AMD1: variants seen among roughly 807,000 people sequenced by gnomAD.
The protein encoded by AMD1 is S-adenosylmethionine decarboxylase proenzyme.
AMD1 carries 11 observed loss-of-function variants against 40.2 expected under a neutral mutation model. That is an observed-to-expected ratio of 0.27 (90% CI 0.17 to 0.45). The LOEUF is 0.45. AMD1 is among the 20% of genes least tolerant of loss of function. The pLI is 1.00. For missense variants in AMD1, 257 were observed against 410.2 expected, an observed-to-expected ratio of 0.63 and a Z score of 3.23; for synonymous variants, 121 against 130.8, an observed-to-expected ratio of 0.93 and a Z score of 0.51.
the AMD1 span, among the ~76,000 whole-genome samples, chr6:110,819,759 A>G: frequency 6.6e-6 from 1 of 152,186 alleles, no homozygotes; most frequent in East Asian, 1.9e-4. Context: ...TTTTAGTCAC[A>G]TGGTGAAATA....
At chr6:110,847,301 G>A in the AMD1 span, among the ~76,000 whole-genome samples, 43 of 152,116 alleles carry the variant, frequency 2.8e-4, no homozygotes, top group East Asian at 7.6e-3. Context: ...CGAGGCAGGC[G>A]GATCACAAGG....
At chr6:110,814,800 G>T in the AMD1 span, 4 of 695,186 alleles carry the variant, frequency 5.8e-6, no homozygotes, top group Non-Finnish European at 1.0e-5. Flanking sequence ...ACCGGGCTGC[G>T]CCGCGGGAGT....
the AMD1 span, chr6:110,815,239 T>TCTCG: frequency 3.5e-6 from 4 of 1,148,734 alleles, no homozygotes; most frequent in Admixed American, 4.6e-5. Flanking sequence ...AACAGCCGCC[T>TCTCG]CTCGCGCGCG....
At chr6:110,875,951 G>T (rs1322837098) in intron 1 of AMD1, among the ~76,000 whole-genome samples, 1 of 152,166 alleles carries the variant, frequency 6.6e-6, no homozygotes, top group African/African-American at 2.4e-5. Context: ...GAGGCCGCTG[G>T]GGGCTGCTCC....
At chr6:110,867,060 G>A in the AMD1 span, among the ~76,000 whole-genome samples, 17 of 151,980 alleles carry the variant, frequency 1.1e-4, no homozygotes, top group Middle Eastern at 0.01. Context: ...TGATCCACCC[G>A]CCTCGGCCTC....
At chr6:110,857,965 G>C in the AMD1 span, among the ~76,000 whole-genome samples, 1 of 151,830 alleles carries the variant, frequency 6.6e-6, no homozygotes, top group Non-Finnish European at 1.5e-5. Context: ...TTCCCAAGTA[G>C]CTGGGACTAC....
the AMD1 span, among the ~76,000 whole-genome samples, chr6:110,834,020 T>C: frequency 1.3e-5 from 2 of 152,192 alleles, no homozygotes; most frequent in Admixed American, 6.6e-5. Context: ...CATGGCTTAC[T>C]GCAGCCTGGA....
chr6:110,888,749 A>G (rs923319129), intron 2 of AMD1, 108 bp from the exon 3 acceptor site: 45 of 1,115,332 alleles, frequency 4.0e-5, no homozygotes, highest in Non-Finnish European at 5.2e-5. Flanking sequence ...TTGAGATCCT[A>G]ATATTTAAAA....
the AMD1 span, among the ~76,000 whole-genome samples, chr6:110,866,581 T>TTAAA: frequency 6.6e-6 from 1 of 152,178 alleles, no homozygotes; most frequent in East Asian, 1.9e-4. Context: ...GGAACAGGGA[T>TTAAA]TAAACTGTAC....
chr6:110,846,253 CAAAAACTGAATTTAAAGATT>C, the AMD1 span, among the ~76,000 whole-genome samples: 1 of 152,004 alleles, frequency 6.6e-6, no homozygotes, highest in East Asian at 1.9e-4. Flanking sequence ...ACAACAACAA[CAAAAACTGAATTTAAAGATT>C]GTCACATTTA....
chr6:110,814,877 G>C, the AMD1 span: 1 of 1,250,112 alleles, frequency 8.0e-7, no homozygotes, highest in African/African-American at 1.6e-5. Context: ...GTCGGTGTCC[G>C]GACGCAACCC....
chr6:110,838,040 GC>G, the AMD1 span, among the ~76,000 whole-genome samples: 3 of 142,620 alleles, frequency 2.1e-5, no homozygotes, highest in Non-Finnish European at 4.5e-5. Flanking sequence ...CCAAACCTGG[GC>G]AACAAGAGTG....
chr6:110,852,523 A>G, the AMD1 span, among the ~76,000 whole-genome samples: 1 of 151,870 alleles, frequency 6.6e-6, no homozygotes, highest in Non-Finnish European at 1.5e-5. Flanking sequence ...CCTGGCCCAT[A>G]ATGAATTCTT....
At chr6:110,846,652 A>C in the AMD1 span, among the ~76,000 whole-genome samples, 9 of 152,262 alleles carry the variant, frequency 5.9e-5, no homozygotes, top group East Asian at 1.7e-3. Flanking sequence ...CAGGTGGATC[A>C]CAAGGTCAGG....
At chr6:110,855,345 C>A in the AMD1 span, among the ~76,000 whole-genome samples, 1 of 152,032 alleles carries the variant, frequency 6.6e-6, no homozygotes, top group African/African-American at 2.4e-5. Flanking sequence ...ATTTAATAGC[C>A]TTGTTTTATA....
the AMD1 span, among the ~76,000 whole-genome samples, chr6:110,855,053 T>TTCTC: frequency 1.1e-4 from 17 of 148,676 alleles, no homozygotes; most frequent in South Asian, 4.4e-4. Flanking sequence ...TGGCTTAAAG[T>TTCTC]TCTCTCTCTC....
At chr6:110,871,324 A>G (rs1330798754), upstream of AMD1, among the ~76,000 whole-genome samples, 1 of 152,236 alleles carries the variant, frequency 6.6e-6, no homozygotes, top group African/African-American at 2.4e-5. Context: ...GTGTTAAACC[A>G]AGTGAGGTGG....
the AMD1 span, among the ~76,000 whole-genome samples, chr6:110,855,065 CTTTTTTTTTTTTT>C: frequency 3.7e-5 from 3 of 80,464 alleles, no homozygotes; most frequent in East Asian, 1.5e-3. Flanking sequence ...CTCTCTCTCT[CTTTTTTTTTTTTT>C]TTTTTTTTTT....
At chr6:110,858,803 C>CATCT in the AMD1 span, 1 of 768,324 alleles carries the variant, frequency 1.3e-6, no homozygotes, top group East Asian at 2.4e-5. Context: ...CACAAGGAGG[C>CATCT]ATCTCTACGA....
Sources: gnomAD v4.1 joint callset for allele counts (sites outside exome capture counted in the v4.1 genomes callset) on GRCh38, gnomAD v4.1.1 for gene constraint, MANE v1.5 for transcripts, NCBI Gene and HGNC (gene_info 2026-07-23, HGNC 2026-07-21) for gene names.